Variants in TBC1D15 observed in about 807,000 individuals in gnomAD.
TBC1D15 encodes GAP for RAB7.
A neutral mutation model predicts 95.4 loss-of-function variants in TBC1D15; 39 were observed. That is an observed-to-expected ratio of 0.41 (90% CI 0.32 to 0.53). The LOEUF (loss-of-function observed/expected upper bound fraction) is 0.53. Among genes scored for constraint, TBC1D15 ranks in the 20% least tolerant of loss-of-function variants. The pLI is 0.29. For missense variants in TBC1D15, 733 were observed against 794.3 expected (o/e 0.92, Z 0.93); for synonymous variants, 258 against 261.3 (o/e 0.99, Z 0.12).
chr12:71,917,987 A>G (rs1027585047), intron 13 of TBC1D15, among the ~76,000 whole-genome samples, 190 bp downstream of exon 13: 32 of 152,006 alleles, frequency 2.1e-4, no homozygotes, highest in African/African-American at 7.5e-4. Flanking sequence ...GTGAGACCCC[A>G]TCTCTACAAG....
chr12:71,897,165 A>T (rs1898357156), intron 9 of TBC1D15: 1 of 156,980 alleles, frequency 6.4e-6, no homozygotes, highest in African/African-American at 2.4e-5. Context: ...TGCTATTTAG[A>T]TTAATTACCT....
intron 6 of TBC1D15, among the ~76,000 whole-genome samples, chr12:71,894,092 G>A (rs1897714444): frequency 6.6e-6 from 1 of 152,008 alleles, no homozygotes; most frequent in Admixed American, 6.6e-5. Flanking sequence ...TGAGCAAATA[G>A]TTTGGGCTTC....
At chr12:71,896,913 C>A in intron 9 of TBC1D15, 133 bp downstream of exon 9, 1 of 589,174 alleles carries the variant, frequency 1.7e-6, no homozygotes, top group Non-Finnish European at 2.8e-6. Flanking sequence ...TATGTTTTAA[C>A]TTAAAAATTA....
intron 1 of TBC1D15, chr12:71,849,333 AG>A: frequency 7.9e-7 from 1 of 1,262,852 alleles, no homozygotes; most frequent in Non-Finnish European, 1.2e-6. Flanking sequence ...AGGCTATCAT[AG>A]GAGGCAATGG....
At chr12:71,848,736 T>A (rs543110057) in intron 1 of TBC1D15, among the ~76,000 whole-genome samples, 2 of 152,302 alleles carry the variant, frequency 1.3e-5, no homozygotes, top group African/African-American at 4.8e-5. Context: ...CTTTCAGAGT[T>A]TGTTTTAAGG....
chr12:71,906,786 A>T (rs1035026428), intron 10 of TBC1D15, among the ~76,000 whole-genome samples: 2 of 152,206 alleles, frequency 1.3e-5, no homozygotes, highest in Admixed American at 6.5e-5. Context: ...ATGTTTAGAT[A>T]ATAATTGAAA....
intron 1 of TBC1D15, chr12:71,854,479 A>G: frequency 2.2e-6 from 1 of 450,080 alleles, no homozygotes; most frequent in Non-Finnish European, 4.5e-6. Context: ...TGAACTCTTA[A>G]GATGGTTTTT....
chr12:71,895,218 C>T (rs1257263456), intron 7 of TBC1D15, among the ~76,000 whole-genome samples: 1 of 152,024 alleles, frequency 6.6e-6, no homozygotes, highest in African/African-American at 2.4e-5. Flanking sequence ...TCATAGGCAT[C>T]AGAGACAGCT....
chr12:71,849,836 C>G (rs1565941319), intron 1 of TBC1D15: 1 of 559,780 alleles, frequency 1.8e-6, no homozygotes, highest in East Asian at 4.4e-5. Context: ...TTTTGCCATT[C>G]TGTAGTAAAA....
chr12:71,840,386 G>T (rs1168381571), intron 1 of TBC1D15, among the ~76,000 whole-genome samples: 1 of 152,206 alleles, frequency 6.6e-6, no homozygotes, highest in Admixed American at 6.5e-5. Context: ...GAGAAATGGA[G>T]ATTTACACCA....
chr12:71,891,465 A>G (rs1352244292), intron 5 of TBC1D15, among the ~76,000 whole-genome samples: 1 of 152,172 alleles, frequency 6.6e-6, no homozygotes, highest in Non-Finnish European at 1.5e-5. Context: ...ATATATATTT[A>G]TAGATTAAAT....
At chr12:71,898,403 A>G (rs931256616) in intron 10 of TBC1D15, among the ~76,000 whole-genome samples, 3 of 152,078 alleles carry the variant, frequency 2.0e-5, no homozygotes, top group Non-Finnish European at 4.4e-5. Flanking sequence ...ATATACATAT[A>G]TTTCATTTTT....
intron 3 of TBC1D15, among the ~76,000 whole-genome samples, chr12:71,875,571 G>A (rs1485884987): frequency 1.3e-5 from 2 of 150,046 alleles, no homozygotes; most frequent in South Asian, 4.2e-4. Flanking sequence ...CCTTCTCCTC[G>A]CTTCCACATC....
chr12:71,897,328 TA>T (rs1898399294), intron 9 of TBC1D15: 1 of 155,108 alleles, frequency 6.4e-6, no homozygotes, highest in Non-Finnish European at 1.4e-5. Flanking sequence ...GCCTTTGATT[TA>T]AAGCTATTTT....
intron 1 of TBC1D15, among the ~76,000 whole-genome samples, chr12:71,850,864 A>G (rs1408106598): frequency 4.0e-5 from 6 of 151,282 alleles, no homozygotes; most frequent in African/African-American, 7.3e-5. Context: ...GCGCGCGCCT[A>G]TAGTCCCAAC....
intron 16 of TBC1D15, among the ~76,000 whole-genome samples, chr12:71,922,536 C>G (rs941354719): frequency 6.6e-6 from 1 of 152,132 alleles, no homozygotes; most frequent in Admixed American, 6.5e-5. Context: ...GTCCTTGTAT[C>G]ATTTGTTCAT....
chr12:71,896,011 AGAACATT>A lies in TBC1D15; in HGVS notation c.923_929del (p.Asn308IlefsTer7). 6.2e-7 allele frequency: 1 copy of A among 1,612,838 alleles called. No homozygotes were observed. Among genetic ancestry groups the A allele is most frequent in the Non-Finnish European group, 8.5e-7 (1 of 1,179,068 alleles). Reference sequence around the variant, plus strand: ...CCGGTATCACTGGAAGAATGGACTAAGAACATTGATTCTGAAGGAAGAATTTTAAATG... The same window carrying A: ...CCGGTATCACTGGAAGAATGGACTAAGATTCTGAAGGAAGAATTTTAAATG... On this transcript the variant is annotated frameshift_variant, in exon 8 of 17. Coordinates refer to ENST00000485960, the MANE Select transcript of TBC1D15 (RefSeq NM_001146213.3). LOFTEE classifies it high-confidence loss of function.
chr12:71,871,754 T>C (rs967557167), intron 1 of TBC1D15, among the ~76,000 whole-genome samples: 1 of 152,196 alleles, frequency 6.6e-6, no homozygotes, highest in African/African-American at 2.4e-5. Flanking sequence ...GCAAAAAATA[T>C]AAATTTTAGG....
At chr12:71,854,034 C>T (rs900087402) in intron 1 of TBC1D15, among the ~76,000 whole-genome samples, 31 of 152,174 alleles carry the variant, frequency 2.0e-4, no homozygotes, top group African/African-American at 7.2e-4. Context: ...GGTACTTTCT[C>T]CTGTGAACTC....
Sources: allele counts gnomAD v4.1 joint callset (sites outside exome capture counted in the v4.1 genomes callset), GRCh38; gene constraint gnomAD v4.1.1; transcripts MANE v1.5; gene names NCBI Gene and HGNC (gene_info 2026-07-23, HGNC 2026-07-21).